Variants in GINM1 observed in about 807,000 individuals in gnomAD.
GINM1 encodes the protein glycoprotein integral membrane protein 1.
Under a neutral mutation model 37.8 loss-of-function variants are expected in GINM1, and 29 were observed. The ratio of observed to expected loss-of-function variants is 0.77; its 90% CI spans 0.57 to 1.05. The LOEUF is 1.05. GINM1 is among the 50% of genes least tolerant of loss of function. The pLI, the probability that GINM1 is intolerant of heterozygous loss-of-function variation, is 0.00. For missense variants in GINM1, 377 were observed against 397.9 expected, an observed-to-expected ratio of 0.95 and a Z score of 0.45; for synonymous variants, 143 against 146.2, an observed-to-expected ratio of 0.98 and a Z score of 0.16.
chr6:149,570,854 T>C (rs888857556), intron 1 of GINM1, among the ~76,000 whole-genome samples: 1 of 152,228 alleles, frequency 6.6e-6, no homozygotes, highest in African/African-American at 2.4e-5. Context: ...AAATGATAGA[T>C]TGTAGTTCCT....
rs1232027879 is a variant in GINM1, at chr6:149,566,565, T to C, written c.120+31T>C. 1 of 1,465,578 alleles carries C rather than the reference T, an allele frequency of 6.8e-7. No homozygotes were observed. Among genetic ancestry groups the C allele is most frequent in the Non-Finnish European group, 9.0e-7 (1 of 1,110,542 alleles). The allele number at this position is 1,465,578 out of a possible 1,614,324, so 90.8% of individuals were successfully genotyped here. On this transcript the variant is annotated intron_variant, in intron 1 of 7. Transcript: ENST00000367419. This position sits in a 1 kb window ranked among gnomAD's most constrained non-coding sequence, Gnocchi z 4.4. Reference sequence around the variant, plus strand: ...GCAGGGCGGGCCTGGCTGGCCGCTTTACGACTCCGACTCTCCGGGAGGCCC... The same window carrying C: ...GCAGGGCGGGCCTGGCTGGCCGCTTCACGACTCCGACTCTCCGGGAGGCCC...
Position 149,579,870 on chromosome 6 carries a change from G to C in GINM1, c.466G>C (p.Val156Leu), listed in dbSNP as rs78098524. Residue 156 changes from valine to leucine, a missense_variant, in exon 5 of 8, where the codon GTT becomes CTT. Coordinates refer to ENST00000367419, the MANE Select transcript of GINM1 (RefSeq NM_138785.5). The stretch of plus-strand genomic sequence containing the variant: ...GGATGTCACTGAAATTGATATTTTA[G>C]TTAAGAACCGGGGAGTACTCAGACA... ...QKDVTEIDIL[V>L]KNRGVLRHSN... is the part of the protein sequence containing the mutation. The C allele has an allele frequency of 1.9e-6, 3 of 1,601,102 alleles. No individual in the cohort carries two copies. Among genetic ancestry groups the C allele is most frequent in the Non-Finnish European group, 2.6e-6 (3 of 1,173,130 alleles).
In GINM1 at chr6:149,566,914, A is replaced by T. The variant is rs972539395; in HGVS notation, c.120+380A>T. 6.6e-6 allele frequency among the ~76,000 whole-genome samples: 1 copy of T among 152,204 alleles called. No homozygotes were observed. Among genetic ancestry groups the T allele is most frequent in the Non-Finnish European group, 1.5e-5 (1 of 68,024 alleles). The stretch of plus-strand genomic sequence containing the variant: ...GCAAGGAATGTTTGTGTGCTCGGGA[A>T]GTGTGGAAGTTGCCCACTTCGCGCA... On this transcript the variant is annotated intron_variant, in intron 1 of 7. Coordinates refer to ENST00000367419, the MANE Select transcript of GINM1 (RefSeq NM_138785.5). The surrounding 1 kb of genome is among the most constrained non-coding windows in gnomAD (Gnocchi z 4.4).
chr6:149,571,366 G>A (rs754529590), intron 1 of GINM1, among the ~76,000 whole-genome samples: 2 of 151,504 alleles, frequency 1.3e-5, no homozygotes, highest in African/African-American at 4.8e-5. Flanking sequence ...GAAAAAAGTT[G>A]GAAACAACTC....
chr6:149,572,082 T>A (rs1340500157), intron 1 of GINM1, among the ~76,000 whole-genome samples: 1 of 150,938 alleles, frequency 6.6e-6, no homozygotes, highest in Non-Finnish European at 1.5e-5. Context: ...TCTCAAAAAA[T>A]AAATAAATAA....
chr6:149,585,103 C>T (rs1778049521), intron 7 of GINM1, among the ~76,000 whole-genome samples: 1 of 152,124 alleles, frequency 6.6e-6, no homozygotes, highest in African/African-American at 2.4e-5. Flanking sequence ...CCAGGAAGTT[C>T]CAAACTTTTT....
intron 3 of GINM1, 142 bp from the exon 4 acceptor site, chr6:149,578,680 C>A: frequency 1.8e-6 from 1 of 542,676 alleles, no homozygotes; most frequent in Non-Finnish European, 3.2e-6. Context: ...TCTGAAACAG[C>A]ATTGAGGTCA....
chr6:149,582,084 C>G (rs1328441251), intron 6 of GINM1: 1 of 475,982 alleles, frequency 2.1e-6, no homozygotes. Context: ...TGACTCTGCT[C>G]CATTTCGTTT....
At chr6:149,569,777 T>C (rs1462664641) in intron 1 of GINM1, among the ~76,000 whole-genome samples, 1 of 152,166 alleles carries the variant, frequency 6.6e-6, no homozygotes, top group Admixed American at 6.5e-5. Context: ...AGCTGTCTAT[T>C]ACCTTTATTC....
At chr6:149,580,371 GCTTT>G (rs1220477025) in intron 5 of GINM1, among the ~76,000 whole-genome samples, 3 of 152,090 alleles carry the variant, frequency 2.0e-5, no homozygotes, top group South Asian at 2.1e-4. Flanking sequence ...TAAAATTTTG[GCTTT>G]CTATGTGACA....
At chr6:149,579,170 C>CA (rs547613857) in intron 4 of GINM1, among the ~76,000 whole-genome samples, 197 bp downstream of exon 4, 167 of 152,176 alleles carry the variant, frequency 1.1e-3, no homozygotes, top group African/African-American at 3.8e-3. Flanking sequence ...CATATTCATA[C>CA]ATGTTTGTAT....
chr6:149,571,991 G>A (rs1393924878), intron 1 of GINM1, among the ~76,000 whole-genome samples: 1 of 152,040 alleles, frequency 6.6e-6, no homozygotes, highest in Non-Finnish European at 1.5e-5. Context: ...TGAGGCAGGA[G>A]AATTGCTTGA....
At chr6:149,574,488 C>T (rs1777884641) in intron 3 of GINM1, among the ~76,000 whole-genome samples, 1 of 152,192 alleles carries the variant, frequency 6.6e-6, no homozygotes, top group Non-Finnish European at 1.5e-5. Flanking sequence ...TCTTTTTCTT[C>T]CCCCTTTGCC....
intron 1 of GINM1, among the ~76,000 whole-genome samples, chr6:149,567,772 G>C (rs1198950742): frequency 6.6e-6 from 1 of 152,194 alleles, no homozygotes; most frequent in Non-Finnish European, 1.5e-5. Context: ...CCTGCCATAA[G>C]AACCACCTAT....
chr6:149,582,079 C>T (rs1260447661), intron 6 of GINM1: 1 of 475,452 alleles, frequency 2.1e-6, no homozygotes, highest in Non-Finnish European at 4.4e-6. Flanking sequence ...ACAGTTGACT[C>T]TGCTCCATTT....
intron 6 of GINM1, 33 bp from the exon 7 acceptor site, chr6:149,582,407 A>G: frequency 1.3e-6 from 2 of 1,566,512 alleles, no homozygotes; most frequent in South Asian, 2.4e-5. Flanking sequence ...AGATTGATGC[A>G]ACTTGCATAT....
chr6:149,571,420 G>C (rs1281373141), intron 1 of GINM1, among the ~76,000 whole-genome samples: 1 of 152,080 alleles, frequency 6.6e-6, no homozygotes. Context: ...TTGGTAGTCA[G>C]AGATGGACTA....
At position 149,566,476 on chromosome 6, in the gene GINM1, C is replaced by A. The variant is rs1777718177; in HGVS notation, c.62C>A (p.Ala21Asp). The A allele has an allele frequency of 9.6e-6, 15 of 1,560,456 alleles. No individual in the cohort carries two copies. Among genetic ancestry groups the A allele is most frequent in the Non-Finnish European group, 1.3e-5 (15 of 1,164,404 alleles). ...LRLLLFVALP[A>D]SGWLTTGAPE... is the part of the protein sequence containing the mutation. ...CTCCTGCTGTTCGTGGCGCTACCCGCCTCCGGCTGGCTGACGACGGGCGCC... is the reference window on the plus strand; with the variant it reads ...CTCCTGCTGTTCGTGGCGCTACCCGACTCCGGCTGGCTGACGACGGGCGCC... The change falls in exon 1 of 8, where the codon GCC (alanine) becomes GAC (aspartate). Residue 21 changes from alanine (A) to aspartate (D), a missense_variant. Ala to Asp is a moderately radical substitution (Grantham distance 126). Coordinates refer to ENST00000367419, the MANE Select transcript of GINM1 (RefSeq NM_138785.5). The surrounding 1 kb of genome is among the most constrained non-coding windows in gnomAD (Gnocchi z 4.4).
rs374493485 is a variant in GINM1, at chr6:149,578,807, C to CTT, written c.278-6_278-5dup. On this transcript the variant is annotated splice_polypyrimidine_tract_variant and intron_variant, in intron 3 of 7. Coordinates refer to ENST00000367419, the MANE Select transcript of GINM1 (RefSeq NM_138785.5). The stretch of plus-strand genomic sequence containing the variant: ...TAATCTTTGTTCAAAGGTGTCACTA[C>CTT]TTTTTTTTTTATAGTGAAGAATGAA... 4.5e-5 allele frequency: 57 copies of CTT among 1,262,024 alleles called. No individual in the cohort carries two copies. Among genetic ancestry groups the CTT allele is most frequent in the Middle Eastern group, 2.0e-4 (1 of 4,938 alleles). 78.2% of individuals were successfully genotyped at this position (1,262,024 alleles called of 1,614,324 possible).
Sources: gnomAD v4.1 joint callset for allele counts (sites outside exome capture counted in the v4.1 genomes callset) on GRCh38, gnomAD v4.1.1 for gene constraint, Gnocchi (gnomAD v3.1) non-coding constraint, MANE v1.5 for transcripts, NCBI Gene and HGNC (gene_info 2026-07-23, HGNC 2026-07-21) for gene names.